Variants in LARP4B observed in about 807,000 individuals in gnomAD.
The protein encoded by LARP4B is La ribonucleoprotein 4B.
A neutral mutation model predicts 89.8 loss-of-function variants in LARP4B; 12 were observed. The ratio of observed to expected loss-of-function variants is 0.13; its 90% CI spans 0.09 to 0.22. The LOEUF (loss-of-function observed/expected upper bound fraction) is 0.22. Among genes scored for constraint, LARP4B ranks in the 10% least tolerant of loss-of-function variants. LARP4B has a pLI of 1.00. For missense variants in LARP4B, 757 were observed against 947.7 expected (o/e 0.80, Z 2.64); for synonymous variants, 367 against 363.3 (o/e 1.01, Z -0.12).
intron 5 of LARP4B, among the ~76,000 whole-genome samples, chr10:852,326 A>T (rs139159325): frequency 1.3e-5 from 2 of 152,230 alleles, no homozygotes; most frequent in Non-Finnish European, 2.9e-5. Flanking sequence ...GGTTTAGACC[A>T]CAAATGTTGG....
At chr10:934,984 G>A (rs923142314), upstream of LARP4B, among the ~76,000 whole-genome samples, 1 of 152,088 alleles carries the variant, frequency 6.6e-6, no homozygotes, top group Non-Finnish European at 1.5e-5. Context: ...CCGGCTCCCC[G>A]TTGCCTGCCC....
intron 4 of LARP4B, 33 bp downstream of exon 4, chr10:864,090 G>A (rs369687078): frequency 6.2e-7 from 1 of 1,612,378 alleles, no homozygotes; most frequent in Non-Finnish European, 8.5e-7. Context: ...CCTGAAAGCA[G>A]GGGGCTGCAC....
chr10:976,821 G>C, the LARP4B span, among the ~76,000 whole-genome samples: 13 of 150,472 alleles, frequency 8.6e-5, no homozygotes, highest in South Asian at 2.8e-3. Flanking sequence ...CGGCCTAGTA[G>C]AAGGTAGGCC....
intron 1 of LARP4B, among the ~76,000 whole-genome samples, chr10:917,373 A>C (rs756766140): frequency 4.6e-5 from 7 of 152,220 alleles, no homozygotes; most frequent in Non-Finnish European, 1.0e-4. Context: ...CTCTTATTTT[A>C]TGACAGTCTA....
chr10:923,454 G>A (rs1433566286), intron 1 of LARP4B, among the ~76,000 whole-genome samples: 1 of 151,356 alleles, frequency 6.6e-6, no homozygotes, highest in African/African-American at 2.4e-5. Context: ...TCAGGAAGAA[G>A]TGTGACTGCT....
At chr10:866,943 T>C (rs1308646750) in intron 3 of LARP4B, among the ~76,000 whole-genome samples, 1 of 152,212 alleles carries the variant, frequency 6.6e-6, no homozygotes, top group Non-Finnish European at 1.5e-5. Flanking sequence ...TTTTCCTCAC[T>C]GTAGTACTGC....
chr10:904,730 G>A (rs1000783441), intron 1 of LARP4B, among the ~76,000 whole-genome samples: 4 of 152,172 alleles, frequency 2.6e-5, no homozygotes, highest in South Asian at 2.1e-4. Context: ...GTACTGTGGC[G>A]ATGTCACTGG....
rs187351736 is a variant in LARP4B at position 838,875 on chromosome 10, G to A, written c.647-2369C>T. On this transcript the variant is annotated intron_variant, in intron 7 of 17. Transcript: ENST00000316157. The stretch of plus-strand genomic sequence containing the variant: ...GGAAGTAATCAAGATGCACTTCAGT[G>A]GGTAGATGGATAAGCAAACTGTGGG... 3.5e-3 allele frequency among the ~76,000 whole-genome samples: 534 copies of A among 152,322 alleles called. 2 individuals carry two copies. Among genetic ancestry groups the A allele is most frequent in the Middle Eastern group, 0.017 (5 of 294 alleles).
intron 5 of LARP4B, among the ~76,000 whole-genome samples, chr10:846,053 A>G (rs551581072): frequency 2.4e-4 from 37 of 152,316 alleles, no homozygotes; most frequent in East Asian, 3.9e-4. Context: ...TAACCATAAC[A>G]CAAAACCAAA....
In LARP4B at chr10:817,812, T is replaced by C. The variant is rs142903280; in HGVS notation, c.1608A>G (p.Pro536=). 2.5e-6 allele frequency: 4 copies of C among 1,614,158 alleles called. No homozygotes were observed. The highest frequency in any genetic ancestry group is 1.1e-5 in the South Asian group (1 of 91,060). The change falls in exon 15 of 18, where the codon CCA becomes CCG. Residue 536 remains proline (P), a synonymous_variant. Coordinates refer to ENST00000316157, the MANE Select transcript of LARP4B (RefSeq NM_015155.3). The part of the protein sequence containing the change: ...SFELGLSSFP[P]LPGAAGNLKT... Reference sequence around the variant, plus strand: ...TCAAATTGCCGGCAGCTCCAGGTAATGGAGGGAAGCTGGACAGCCCCAGCT... The same window carrying C: ...TCAAATTGCCGGCAGCTCCAGGTAACGGAGGGAAGCTGGACAGCCCCAGCT...
intron 5 of LARP4B, among the ~76,000 whole-genome samples, chr10:860,909 C>G (rs1183582024): frequency 6.6e-6 from 1 of 152,130 alleles, no homozygotes; most frequent in Non-Finnish European, 1.5e-5. Context: ...GTAATCCCAG[C>G]ACTTTGGGAG....
At chr10:864,102 C>G (rs748049851) in intron 4 of LARP4B, 21 bp downstream of exon 4, 9 of 1,613,988 alleles carry the variant, frequency 5.6e-6, no homozygotes, top group Non-Finnish European at 2.5e-6. Flanking sequence ...GGGCTGCACA[C>G]CACGGCCATG....
the LARP4B span, chr10:985,966 G>A: frequency 1.3e-5 from 2 of 152,256 alleles, no homozygotes; most frequent in African/African-American, 4.8e-5. Context: ...AAAGCAGCAT[G>A]TGACTCGTTC....
chr10:813,752 G>A (rs1238845106), intron 17 of LARP4B, among the ~76,000 whole-genome samples: 12 of 151,868 alleles, frequency 7.9e-5, no homozygotes, highest in Non-Finnish European at 1.8e-4. Flanking sequence ...TCAGGTAAGT[G>A]GAAGCATAAA....
intron 3 of LARP4B, among the ~76,000 whole-genome samples, chr10:877,551 T>C (rs1207851330): frequency 6.6e-6 from 1 of 152,242 alleles, no homozygotes; most frequent in Non-Finnish European, 1.5e-5. Context: ...ATCCTGGTTC[T>C]ACCACTTTTT....
chr10:906,103 T>C (rs1836484842), intron 1 of LARP4B, among the ~76,000 whole-genome samples: 1 of 152,232 alleles, frequency 6.6e-6, no homozygotes, highest in Non-Finnish European at 1.5e-5. Flanking sequence ...TGAGACTTGG[T>C]CAATTAGATA....
intron 11 of LARP4B, 92 bp downstream of exon 11, chr10:829,293 A>C (rs1832776115): frequency 1.1e-5 from 12 of 1,072,060 alleles, no homozygotes; most frequent in Non-Finnish European, 1.5e-5. Context: ...GACTGCACAC[A>C]TATCTGGCTT....
At chr10:934,187 G>A (rs1830719527), upstream of LARP4B, among the ~76,000 whole-genome samples, 1 of 151,864 alleles carries the variant, frequency 6.6e-6, no homozygotes, top group East Asian at 2.0e-4. Context: ...AGACATCTAT[G>A]TCTTACCTAT....
the LARP4B span, among the ~76,000 whole-genome samples, chr10:977,410 G>A: frequency 1.3e-5 from 2 of 152,046 alleles, no homozygotes; most frequent in African/African-American, 2.4e-5. Context: ...GCTGTGATGC[G>A]TGCCTGTATT....
Sources: gnomAD v4.1 joint callset for allele counts (sites outside exome capture counted in the v4.1 genomes callset) on GRCh38, gnomAD v4.1.1 for gene constraint, MANE v1.5 for transcripts, NCBI Gene and HGNC (gene_info 2026-07-23, HGNC 2026-07-21) for gene names.